The following RNF212 variants were observed in gnomAD, a reference collection of about 807,000 sequenced individuals.
The protein encoded by RNF212 is probable E3 SUMO-protein ligase RNF212.
In RNF212, 33 loss-of-function variants were observed where a neutral mutation model predicts 34.7. That is an observed-to-expected ratio of 0.95 (90% CI 0.72 to 1.27). The LOEUF (loss-of-function observed/expected upper bound fraction) is 1.27. Ranked by LOEUF, RNF212 falls within the 50% of genes most tolerant of loss-of-function variation. RNF212 has a pLI of 0.00. For missense variants in RNF212, 377 were observed against 362.2 expected, an observed-to-expected ratio of 1.04 and a Z score of -0.33; for synonymous variants, 140 against 136.1, an observed-to-expected ratio of 1.03 and a Z score of -0.20.
At chr4:1,094,113 A>G (rs13106356) in intron 3 of RNF212, 650,937 of 1,388,630 alleles carry the variant, frequency 0.47, 157,663 homozygotes, top group Non-Finnish European at 0.5. Context: ...AAGCCCATGA[A>G]GGAGAGTGCC....
chr4:1,098,505 G>A (rs958607349), intron 2 of RNF212, among the ~76,000 whole-genome samples: 1 of 152,174 alleles, frequency 6.6e-6, no homozygotes, highest in Non-Finnish European at 1.5e-5. Context: ...GTAACAGGGG[G>A]ACTGAGACCC....
At chr4:1,084,877 C>G (rs1720928843) in intron 5 of RNF212, among the ~76,000 whole-genome samples, 1 of 152,156 alleles carries the variant, frequency 6.6e-6, no homozygotes, top group Admixed American at 6.5e-5. Flanking sequence ...AAAATAACGA[C>G]AGGGGAAAGA....
At chr4:1,098,037 C>T (rs1014649141) in intron 2 of RNF212, among the ~76,000 whole-genome samples, 3 of 152,198 alleles carry the variant, frequency 2.0e-5, no homozygotes, top group Non-Finnish European at 4.4e-5. Context: ...TGCACTCCAG[C>T]CTGGGCAACA....
At chr4:1,084,941 CCAGT>C (rs1355051470) in intron 5 of RNF212, among the ~76,000 whole-genome samples, 2 of 152,228 alleles carry the variant, frequency 1.3e-5, no homozygotes, top group Non-Finnish European at 2.9e-5. Context: ...AGGCCACCAG[CCAGT>C]GTGACTGGCG....
intron 8 of RNF212, among the ~76,000 whole-genome samples, chr4:1,078,550 T>G (rs1719715521): frequency 6.6e-6 from 1 of 152,228 alleles, no homozygotes; most frequent in African/African-American, 2.4e-5. Flanking sequence ...AGTCCTTGGC[T>G]TTTCTGACCC....
chr4:1,092,801 G>T (rs1680026), intron 3 of RNF212, among the ~76,000 whole-genome samples: 2 of 152,106 alleles, frequency 1.3e-5, no homozygotes, highest in African/African-American at 4.8e-5. Flanking sequence ...CTGGGAGGCC[G>T]CGAAGGCCTG....
chr4:1,111,254 G>A (rs1725613010), intron 1 of RNF212, among the ~76,000 whole-genome samples: 1 of 151,942 alleles, frequency 6.6e-6, no homozygotes, highest in African/African-American at 2.4e-5. Flanking sequence ...GTCTCTTCTA[G>A]TTTCCTTCAC....
chr4:1,099,316 A>G (rs1468883676), intron 2 of RNF212, among the ~76,000 whole-genome samples: 1 of 152,266 alleles, frequency 6.6e-6, no homozygotes, highest in African/African-American at 2.4e-5. Flanking sequence ...CAGCACTAAA[A>G]TAAATAATAA....
chr4:1,109,585 G>A (rs1725337156), intron 1 of RNF212, among the ~76,000 whole-genome samples: 1 of 152,154 alleles, frequency 6.6e-6, no homozygotes, highest in African/African-American at 2.4e-5. Context: ...ACGCTGCTGA[G>A]TCAGCAACAC....
intron 2 of RNF212, among the ~76,000 whole-genome samples, chr4:1,105,961 C>T (rs554292731): frequency 2.0e-5 from 3 of 152,326 alleles, no homozygotes; most frequent in Admixed American, 1.3e-4. Flanking sequence ...CTGGGGACCA[C>T]GAGGCGGCCA....
At chr4:1,087,849 T>C (rs979041211) in intron 4 of RNF212, among the ~76,000 whole-genome samples, 1 of 151,948 alleles carries the variant, frequency 6.6e-6, no homozygotes, top group Admixed American at 6.6e-5. Context: ...CCTGCCGCTA[T>C]GTAAGATGTG....
chr4:1,094,216 G>C (rs1041624394), intron 3 of RNF212, among the ~76,000 whole-genome samples: 2 of 152,190 alleles, frequency 1.3e-5, no homozygotes, highest in African/African-American at 4.8e-5. Flanking sequence ...GCCAACGGTG[G>C]GAGCTGCACT....
At chr4:1,097,459 G>T (rs1314692896) in intron 2 of RNF212, among the ~76,000 whole-genome samples, 1 of 151,922 alleles carries the variant, frequency 6.6e-6, no homozygotes, top group Non-Finnish European at 1.5e-5. Context: ...AAAAAAATTA[G>T]CCGGGCGTGG....
intron 5 of RNF212, among the ~76,000 whole-genome samples, chr4:1,083,643 CAAA>C (rs1720711040): frequency 3.6e-4 from 8 of 21,958 alleles, no homozygotes; most frequent in Admixed American, 1.5e-3. Flanking sequence ...GTCTCAAAAA[CAAA>C]CAAACAAACA....
chr4:1,091,564 C>T (rs1406515999), intron 3 of RNF212, among the ~76,000 whole-genome samples: 1 of 152,208 alleles, frequency 6.6e-6, no homozygotes, highest in Admixed American at 6.5e-5. Context: ...TCCCCCACTT[C>T]ACTCCACCTT....
chr4:1,060,822 A>G (rs1717700177), intron 3 of RNF212, among the ~76,000 whole-genome samples: 1 of 152,238 alleles, frequency 6.6e-6, no homozygotes, highest in Admixed American at 6.5e-5. Flanking sequence ...CTGCTCAGTG[A>G]GTCTGCAGGG....
chr4:1,085,427 C>T (rs1386551145), intron 5 of RNF212, among the ~76,000 whole-genome samples: 1 of 152,250 alleles, frequency 6.6e-6, no homozygotes. Flanking sequence ...CTGGATGTTT[C>T]TTCCTAAGAT....
rs761312372 is a variant in RNF212, at chr4:1,108,402, T to C, written c.112A>G (p.Lys38Glu). ...VYCDACLGKGKKNECLICKAP... is the reference protein window; with the variant it reads ...VYCDACLGKGEKNECLICKAP... ...TTACAAATCAAGCATTCATTCTTTTTACCTATAAAATAAAAATAGGCTTTA... is the reference window on the plus strand; with the variant it reads ...TTACAAATCAAGCATTCATTCTTTTCACCTATAAAATAAAAATAGGCTTTA... The change falls in exon 2 of 10, where the codon AAA becomes GAA. Residue 38 changes from lysine to glutamate, a missense_variant and splice_region_variant. Physicochemically the swap from Lys to Glu is moderately conservative, Grantham distance 56 (BLOSUM62 1). Coordinates refer to ENST00000433731, the MANE Select transcript of RNF212 (RefSeq NM_001131034.4). 2.0e-6 allele frequency: 3 copies of C among 1,485,530 alleles called. No homozygotes were observed. The highest frequency in any genetic ancestry group is 2.7e-6 in the Non-Finnish European group (3 of 1,120,500). The allele number at this position is 1,485,530 out of a possible 1,614,324, so 92.0% of individuals were successfully genotyped here. A position where few individuals can be genotyped will look rare whatever the true frequency, so the allele number is the denominator to read the frequency against.
At chr4:1,085,838 C>CA (rs1474564719) in intron 5 of RNF212, 58 bp downstream of exon 5, 1 of 1,133,396 alleles carries the variant, frequency 8.8e-7, no homozygotes, top group Non-Finnish European at 1.3e-6. Flanking sequence ...GCCAGACGAC[C>CA]AATGCACATG....
Sources: gnomAD v4.1 joint callset for allele counts (sites outside exome capture counted in the v4.1 genomes callset) on GRCh38, gnomAD v4.1.1 for gene constraint, MANE v1.5 for transcripts, NCBI Gene and HGNC (gene_info 2026-07-23, HGNC 2026-07-21) for gene names.